The following GLI3 variants were observed in gnomAD, a reference collection of about 807,000 sequenced individuals.
GLI3 encodes GLI family zinc finger 3, also known as transcription activator GLI3.
In GLI3, 20 loss-of-function variants were observed where a neutral mutation model predicts 100.8. The ratio of observed to expected loss-of-function variants is 0.20; its 90% CI spans 0.14 to 0.29. The LOEUF (loss-of-function observed/expected upper bound fraction) is 0.29, where lower values mean the gene tolerates loss of function less well. GLI3 is among the 10% of genes least tolerant of loss of function. GLI3 has a pLI of 1.00. For missense variants in GLI3, 2,040 were observed against 2,128.5 expected (o/e 0.96, Z 0.82); for synonymous variants, 938 against 860.5 (o/e 1.09, Z -1.58).
At chr7:42,247,844 A>G (rs1223966290) in intron 1 of GLI3, among the ~76,000 whole-genome samples, 1 of 152,104 alleles carries the variant, frequency 6.6e-6, no homozygotes, top group Non-Finnish European at 1.5e-5. Context: ...TTCTACAGTC[A>G]CTCCAACTCC....
At chr7:42,105,628 TGTAC>T (rs1785556697) in intron 3 of GLI3, among the ~76,000 whole-genome samples, 1 of 152,092 alleles carries the variant, frequency 6.6e-6, no homozygotes, top group South Asian at 2.1e-4. Flanking sequence ...TTTCAGGAAA[TGTAC>T]ATCTGAATTT....
chr7:42,092,437 G>C (rs1785243684), intron 3 of GLI3, among the ~76,000 whole-genome samples: 1 of 152,192 alleles, frequency 6.6e-6, no homozygotes, highest in African/African-American at 2.4e-5. Flanking sequence ...AAAGCCCGTG[G>C]TGTGCTGTCA....
intron 10 of GLI3, among the ~76,000 whole-genome samples, chr7:42,006,693 C>T (rs2128723834): frequency 6.6e-6 from 1 of 152,112 alleles, no homozygotes; most frequent in East Asian, 1.9e-4. Context: ...TGTGCTATTC[C>T]AGGGAAACAT....
At chr7:42,225,861 T>C (rs1029625362) in intron 1 of GLI3, among the ~76,000 whole-genome samples, 1 of 152,188 alleles carries the variant, frequency 6.6e-6, no homozygotes, top group African/African-American at 2.4e-5. Context: ...CCACCTCCCC[T>C]TTCCAGGCTG....
intron 10 of GLI3, among the ~76,000 whole-genome samples, chr7:41,986,345 A>C (rs1787822593): frequency 6.6e-6 from 1 of 152,180 alleles, no homozygotes; most frequent in Non-Finnish European, 1.5e-5. Context: ...ATCTGAACAA[A>C]GGGCTTTATA....
At chr7:42,063,686 A>C (rs1051405175) in intron 4 of GLI3, among the ~76,000 whole-genome samples, 1 of 152,206 alleles carries the variant, frequency 6.6e-6, no homozygotes, top group Non-Finnish European at 1.5e-5. Flanking sequence ...ATAGATATGT[A>C]GTAGGCAATC....
intron 10 of GLI3, among the ~76,000 whole-genome samples, chr7:42,004,042 C>T (rs1223987876): frequency 6.6e-6 from 1 of 152,072 alleles, no homozygotes; most frequent in African/African-American, 2.4e-5. Flanking sequence ...CTCTATGTGG[C>T]AAACAGTCAG....
chr7:42,091,565 G>C (rs1240331559), intron 3 of GLI3, among the ~76,000 whole-genome samples: 1 of 152,250 alleles, frequency 6.6e-6, no homozygotes, highest in Non-Finnish European at 1.5e-5. Context: ...CCGGCCTGCT[G>C]TCCTGAGGGC....
chr7:42,086,716 G>T (rs1305136075), intron 3 of GLI3, among the ~76,000 whole-genome samples: 1 of 151,952 alleles, frequency 6.6e-6, no homozygotes, highest in Admixed American at 6.6e-5. Flanking sequence ...TTCCCAGGGG[G>T]CTCCATGGGA....
chr7:42,097,087 G>A (rs1785356836), intron 3 of GLI3, among the ~76,000 whole-genome samples: 1 of 152,206 alleles, frequency 6.6e-6, no homozygotes, highest in South Asian at 2.1e-4. Flanking sequence ...CCAGGAAAAG[G>A]AGAGGGAAAG....
At position 42,048,598 on chromosome 7, in the gene GLI3, C is replaced by A; in HGVS notation, c.572G>T (p.Ser191Ile). ...NPTAASESPF[S>I]PPHPYINPYM... ...GGGATTAATGTAGGGATGTGGAGGG[C>A]TGAAGGGAGACTCGGAAGCAGCAGT... The change falls in exon 5 of 15, where the codon AGC becomes ATC. Residue 191 changes from serine to isoleucine, a missense_variant. This residue lies in a region of GLI3 where 603 missense variants were observed against 690.9 expected (regional missense o/e 0.87). Coordinates refer to ENST00000395925, the MANE Select transcript of GLI3 (RefSeq NM_000168.6). The A allele has an allele frequency of 6.2e-7, 1 of 1,611,454 alleles. No individual in the cohort carries two copies. The highest frequency in any genetic ancestry group is 8.5e-7 in the Non-Finnish European group (1 of 1,179,030).
chr7:42,130,889 T>A (rs576437270), intron 3 of GLI3, among the ~76,000 whole-genome samples: 1 of 152,066 alleles, frequency 6.6e-6, no homozygotes, highest in South Asian at 2.1e-4. Flanking sequence ...AGGAAAAAAA[T>A]AAGCCATCTA....
intron 3 of GLI3, among the ~76,000 whole-genome samples, chr7:42,108,520 T>C (rs563885568): frequency 1.3e-5 from 2 of 152,296 alleles, no homozygotes; most frequent in East Asian, 3.9e-4. Flanking sequence ...GCAGAGTATG[T>C]GTTCAAGTTT....
intron 3 of GLI3, among the ~76,000 whole-genome samples, chr7:42,083,647 T>C (rs2128753851): frequency 6.6e-6 from 1 of 152,326 alleles, no homozygotes; most frequent in Admixed American, 6.5e-5. Context: ...GATAAAGTAA[T>C]TTGCAGAAAT....
At chr7:42,162,604 C>T (rs1359469587) in intron 2 of GLI3, among the ~76,000 whole-genome samples, 5 of 152,142 alleles carry the variant, frequency 3.3e-5, no homozygotes, top group African/African-American at 7.2e-5. Flanking sequence ...AAACGGCAAA[C>T]GAAAGACATA....
At chr7:42,261,142 A>T (rs1053879866) in intron 1 of GLI3, among the ~76,000 whole-genome samples, 2 of 152,130 alleles carry the variant, frequency 1.3e-5, no homozygotes, top group Non-Finnish European at 2.9e-5. Context: ...ATCATGGCAG[A>T]AGGCAAAGGT....
At chr7:42,019,655 A>C (rs1238807200) in intron 10 of GLI3, among the ~76,000 whole-genome samples, 1 of 151,116 alleles carries the variant, frequency 6.6e-6, no homozygotes, top group African/African-American at 2.4e-5. Flanking sequence ...AATGCTCAAC[A>C]AAAAAAAAGG....
chr7:42,234,875 A>G (rs530628429), intron 1 of GLI3, among the ~76,000 whole-genome samples: 2 of 152,320 alleles, frequency 1.3e-5, no homozygotes, highest in African/African-American at 2.4e-5. Context: ...ACTCTGTATA[A>G]GCATGCTATT....
At chr7:41,973,936 T>G (rs557941810) in intron 12 of GLI3, among the ~76,000 whole-genome samples, 1 of 152,208 alleles carries the variant, frequency 6.6e-6, no homozygotes, top group Non-Finnish European at 1.5e-5. Context: ...TATAATAAGA[T>G]GAGCACATCA....
Sources: allele counts gnomAD v4.1 joint callset (sites outside exome capture counted in the v4.1 genomes callset), GRCh38; gene constraint gnomAD v4.1.1; regional missense constraint gnomAD v4.1.1; transcripts MANE v1.5; gene names NCBI Gene and HGNC (gene_info 2026-07-23, HGNC 2026-07-21).